Variants in PAK1 observed in about 807,000 individuals in gnomAD.
PAK1 encodes the protein serine/threonine-protein kinase PAK 1.
Under a neutral mutation model 67.4 loss-of-function variants are expected in PAK1, and 29 were observed. The observed-to-expected ratio is 0.43, with a 90% CI of 0.32 to 0.59. PAK1 has a LOEUF of 0.59. PAK1 is among the 20% of genes least tolerant of loss of function. PAK1 has a pLI of 0.07. For missense variants in PAK1, 337 were observed against 670.7 expected, an observed-to-expected ratio of 0.50 and a Z score of 5.50; for synonymous variants, 223 against 237.4, an observed-to-expected ratio of 0.94 and a Z score of 0.56.
At chr11:77,337,827 T>G (rs1942968296) in intron 11 of PAK1, among the ~76,000 whole-genome samples, 1 of 152,154 alleles carries the variant, frequency 6.6e-6, no homozygotes, top group Non-Finnish European at 1.5e-5. Context: ...CATATGGAAG[T>G]GATACTAGAA....
chr11:77,522,778 C>T, the PAK1 span, among the ~76,000 whole-genome samples: 1 of 152,172 alleles, frequency 6.6e-6, no homozygotes, highest in African/African-American at 2.4e-5. Flanking sequence ...CTCATATGTT[C>T]ATCATAGCAC....
At chr11:77,408,015 A>G (rs757473932) in intron 1 of PAK1, 1 of 152,226 alleles carries the variant, frequency 6.6e-6, no homozygotes, top group Non-Finnish European at 1.5e-5. Context: ...AACTCAGGAG[A>G]TAACAGGGTA....
At chr11:77,520,756 G>A in the PAK1 span, among the ~76,000 whole-genome samples, 1 of 152,164 alleles carries the variant, frequency 6.6e-6, no homozygotes, top group Non-Finnish European at 1.5e-5. Flanking sequence ...ATTTGAAAGG[G>A]GTACAGAAAG....
chr11:77,344,813 T>G (rs554517234), intron 9 of PAK1, among the ~76,000 whole-genome samples: 1 of 152,314 alleles, frequency 6.6e-6, no homozygotes, highest in South Asian at 2.1e-4. Flanking sequence ...GTTCAAAAAC[T>G]TACATGGCTC....
chr11:77,387,957 C>T (rs1294037340), intron 2 of PAK1, among the ~76,000 whole-genome samples: 2 of 152,184 alleles, frequency 1.3e-5, no homozygotes, highest in Non-Finnish European at 2.9e-5. Flanking sequence ...AAGAAAAACA[C>T]CTCAGACTTC....
chr11:77,353,970 A>G (rs1361957653), intron 7 of PAK1, among the ~76,000 whole-genome samples: 3 of 152,212 alleles, frequency 2.0e-5, no homozygotes, highest in African/African-American at 7.2e-5. Context: ...TGGAGGAGAC[A>G]GATAAGTAAG....
At chr11:77,451,622 C>T (rs1256523606) in intron 1 of PAK1, among the ~76,000 whole-genome samples, 3 of 140,138 alleles carry the variant, frequency 2.1e-5, no homozygotes, top group Non-Finnish European at 3.1e-5. Context: ...TTTTTTGAGA[C>T]GGCGTCTTGC....
chr11:77,452,269 T>C (rs1956893124), intron 1 of PAK1, among the ~76,000 whole-genome samples: 2 of 152,204 alleles, frequency 1.3e-5, no homozygotes. Context: ...GATATTACTT[T>C]CTGAGAAACA....
chr11:77,447,550 A>C (rs569812458), intron 1 of PAK1, among the ~76,000 whole-genome samples: 44 of 149,412 alleles, frequency 2.9e-4, no homozygotes, highest in African/African-American at 1.0e-3. Context: ...TTTTTTTTTC[A>C]GGGGAAGTCT....
At chr11:77,341,966 G>A (rs1292672495) in intron 10 of PAK1, among the ~76,000 whole-genome samples, 3 of 152,172 alleles carry the variant, frequency 2.0e-5, no homozygotes, top group African/African-American at 7.2e-5. Context: ...TCTCTTTTGA[G>A]AGAGAAGACT....
intron 1 of PAK1, among the ~76,000 whole-genome samples, chr11:77,435,563 G>A (rs916880488): frequency 4.1e-5 from 6 of 147,062 alleles, no homozygotes; most frequent in Non-Finnish European, 7.5e-5. Flanking sequence ...GCCTGATCTC[G>A]GCTCACTGCA....
intron 1 of PAK1, among the ~76,000 whole-genome samples, chr11:77,404,838 G>A (rs193063945): frequency 6.6e-6 from 1 of 152,200 alleles, no homozygotes; most frequent in African/African-American, 2.4e-5. Context: ...AACATTTATT[G>A]AGCATCTACA....
At chr11:77,359,650 C>G (rs568373895) in intron 5 of PAK1, among the ~76,000 whole-genome samples, 102 of 152,204 alleles carry the variant, frequency 6.7e-4, no homozygotes, top group African/African-American at 2.4e-3. Context: ...AGTTTCTGCC[C>G]TACCCTGGAA....
chr11:77,486,218 C>T, the PAK1 span, among the ~76,000 whole-genome samples: 1 of 152,146 alleles, frequency 6.6e-6, no homozygotes, highest in South Asian at 2.1e-4. Flanking sequence ...TTGACTATTG[C>T]AGGCCGGCCA....
At chr11:77,373,758 T>C (rs929894916) in intron 5 of PAK1, among the ~76,000 whole-genome samples, 2 of 152,164 alleles carry the variant, frequency 1.3e-5, no homozygotes, top group African/African-American at 4.8e-5. Flanking sequence ...TAACATCCAT[T>C]TGAGTGTCAA....
chr11:77,485,888 G>A, the PAK1 span, among the ~76,000 whole-genome samples: 4 of 152,208 alleles, frequency 2.6e-5, no homozygotes, highest in Admixed American at 6.5e-5. Flanking sequence ...CGGTAGTTCC[G>A]TCGATGGTTT....
chr11:77,330,536 A>C (rs1941233988), intron 14 of PAK1, among the ~76,000 whole-genome samples: 2 of 152,246 alleles, frequency 1.3e-5, no homozygotes, highest in Non-Finnish European at 2.9e-5. Flanking sequence ...CAATGGGGAA[A>C]GGATTCCCTA....
At chr11:77,478,590 TG>T (rs1592615984), upstream of PAK1, among the ~76,000 whole-genome samples, 3 of 150,872 alleles carry the variant, frequency 2.0e-5, no homozygotes, top group African/African-American at 7.3e-5. Context: ...CTGGGCAACA[TG>T]GCGAAACCCC....
At chr11:77,395,275 T>TTTTATA (rs1256275512) in intron 1 of PAK1, among the ~76,000 whole-genome samples, 37 of 152,216 alleles carry the variant, frequency 2.4e-4, no homozygotes, top group Non-Finnish European at 4.0e-4. Context: ...CTATTACAAT[T>TTTTATA]GTTTATAGGT....
Sources: gnomAD v4.1 joint callset for allele counts (sites outside exome capture counted in the v4.1 genomes callset) on GRCh38, gnomAD v4.1.1 for gene constraint, MANE v1.5 for transcripts, NCBI Gene and HGNC (gene_info 2026-07-23, HGNC 2026-07-21) for gene names.